LDB3: variants seen among roughly 807,000 people sequenced by gnomAD.
LDB3 encodes LIM domain binding 3.
LDB3 carries 49 observed loss-of-function variants against 69.0 expected under a neutral mutation model. That is an observed-to-expected ratio of 0.71 (90% CI 0.56 to 0.90). The LOEUF (loss-of-function observed/expected upper bound fraction) is 0.90. LDB3 is among the 40% of genes least tolerant of loss of function. The pLI is 0.00. For synonymous variants in LDB3, 387 were observed against 396.2 expected (o/e 0.98, Z 0.28); for missense variants, 928 against 974.1 (o/e 0.95, Z 0.63).
Position 86,718,076 on chromosome 10 carries a change from T to G in LDB3, c.1789T>G (p.Tyr597Asp). 1 of 1,614,172 alleles carries G rather than the reference T, an allele frequency of 6.2e-7. No individual in the cohort carries two copies. Among genetic ancestry groups the G allele is most frequent in the Non-Finnish European group, 8.5e-7 (1 of 1,180,026 alleles). The change falls in exon 11 of 14, where the codon TAC (tyrosine) becomes GAC (aspartate). Residue 597 changes from tyrosine (Y) to aspartate (D), a missense_variant. Coordinates refer to ENST00000361373, the MANE Select transcript of LDB3 (RefSeq NM_007078.3). Reference sequence around the variant, plus strand: ...CTTTGTGGAAGAGCAGAACAACGTTTACTGTGAGCGATGTTATGAGCAATT... The same window carrying G: ...CTTTGTGGAAGAGCAGAACAACGTTGACTGTGAGCGATGTTATGAGCAATT... ...VCFVEEQNNV[Y>D]CERCYEQFFA... is the part of the protein sequence containing the mutation.
chr10:86,700,464 C>T (rs767936269), intron 7 of LDB3, among the ~76,000 whole-genome samples: 2 of 152,122 alleles, frequency 1.3e-5, no homozygotes, highest in East Asian at 1.9e-4. Flanking sequence ...GGTCCAGAGG[C>T]GAGAGAAGGG....
At chr10:86,697,924 C>G (rs1846082472) in intron 7 of LDB3, among the ~76,000 whole-genome samples, 1 of 152,150 alleles carries the variant, frequency 6.6e-6, no homozygotes, top group African/African-American at 2.4e-5. Context: ...ATAGAGATCC[C>G]TAGTTCCCTT....
intron 2 of LDB3, among the ~76,000 whole-genome samples, chr10:86,669,275 G>C (rs1012118587): frequency 1.4e-5 from 2 of 138,026 alleles, no homozygotes; most frequent in Non-Finnish European, 3.3e-5. Flanking sequence ...GTGGGGCTGG[G>C]CTGGACTGAG....
intron 2 of LDB3, among the ~76,000 whole-genome samples, chr10:86,676,962 G>A (rs755640890): frequency 2.0e-5 from 3 of 152,250 alleles, no homozygotes; most frequent in Admixed American, 6.5e-5. Flanking sequence ...GATGGTTCTC[G>A]GGCCTTGGCC....
intron 13 of LDB3, among the ~76,000 whole-genome samples, chr10:86,730,280 G>A (rs1485345118): frequency 6.6e-6 from 1 of 152,172 alleles, no homozygotes; most frequent in African/African-American, 2.4e-5. Flanking sequence ...GGGGATACCT[G>A]TATGTGGGGA....
chr10:86,703,383 G>C (rs1000017053), intron 7 of LDB3, among the ~76,000 whole-genome samples: 1 of 152,228 alleles, frequency 6.6e-6, no homozygotes, highest in Non-Finnish European at 1.5e-5. Context: ...TTCCAGAAGC[G>C]AGGTTCTTTC....
Position 86,735,838 on chromosome 10 carries a change from T to C in LDB3, c.*2862T>C, listed in dbSNP as rs1182715228. 2 of 151,610 alleles carry C rather than the reference T, an allele frequency of 1.3e-5. No homozygotes were observed. The highest frequency in any genetic ancestry group is 4.8e-5 in the African/African-American group (2 of 41,268). 9.4% of individuals were successfully genotyped at this position (151,610 alleles called of 1,614,324 possible). A position where few individuals can be genotyped will look rare whatever the true frequency, so the allele number is the denominator to read the frequency against. ...ACTTTTTGCAATGGAGTGACTTATA[T>C]CTGCAGCTTATATCTGCAGTGTTTG... On this transcript the variant is annotated 3_prime_UTR_variant, in exon 14 of 14. Transcript: ENST00000361373.
intron 11 of LDB3, among the ~76,000 whole-genome samples, 168 bp from the exon 12 acceptor site, chr10:86,718,559 C>T (rs866715937): frequency 1.6e-4 from 25 of 152,142 alleles, no homozygotes; most frequent in South Asian, 6.2e-4. Context: ...GAGTGACAAC[C>T]CCTTCTCTGA....
intron 2 of LDB3, among the ~76,000 whole-genome samples, chr10:86,669,372 T>A (rs1301083725): frequency 1.3e-5 from 2 of 152,210 alleles, no homozygotes; most frequent in Non-Finnish European, 2.9e-5. Flanking sequence ...CCATGGCTGC[T>A]TTGTCTGTCT....
chr10:86,694,306 A>G (rs992999380), intron 7 of LDB3, among the ~76,000 whole-genome samples: 1 of 152,134 alleles, frequency 6.6e-6, no homozygotes, highest in African/African-American at 2.4e-5. Flanking sequence ...CTTGAGGGTA[A>G]TTGAAGGGTG....
At chr10:86,666,996 A>G (rs1844210477), upstream of LDB3, 2 of 385,236 alleles carry the variant, frequency 5.2e-6, no homozygotes, top group Non-Finnish European at 1.1e-5. Flanking sequence ...GGGATGAATG[A>G]CATGGGGCTT....
chr10:86,679,305 G>T (rs1393876404), intron 2 of LDB3, 62 bp from the exon 3 acceptor site: 1 of 1,599,110 alleles, frequency 6.3e-7, no homozygotes, highest in South Asian at 1.1e-5. Context: ...CTTCCCCAAG[G>T]ACTGGCCTTT....
chr10:86,668,434 G>A, upstream of LDB3: 4 of 563,430 alleles, frequency 7.1e-6, no homozygotes, highest in East Asian at 3.1e-5. Flanking sequence ...AGGCTGGCAG[G>A]CACAGTGTAG....
chr10:86,718,645 C>T lies in LDB3; in HGVS notation c.1858-82C>T, dbSNP rs550793981. ...CTGCCCTGTTCCCTGGTAGGATGCT[C>T]GGGCAGTGGCTGGAGCCTGGTGGGG... On this transcript the variant is annotated intron_variant, in intron 11 of 13. Coordinates refer to ENST00000361373, the MANE Select transcript of LDB3 (RefSeq NM_007078.3). 74 of 1,585,834 alleles carry T rather than the reference C, an allele frequency of 4.7e-5. No individual in the cohort carries two copies. In the South Asian group the frequency reaches 7.1e-4, roughly 15 times the overall value.
intron 8 of LDB3, 72 bp downstream of exon 8, chr10:86,706,791 T>C: frequency 6.7e-7 from 1 of 1,483,430 alleles, no homozygotes; most frequent in South Asian, 1.3e-5. Context: ...TGGGTCTACC[T>C]GTGGCCAGCT....
At chr10:86,724,464 T>G (rs1293340499) in intron 12 of LDB3, among the ~76,000 whole-genome samples, 1 of 146,184 alleles carries the variant, frequency 6.8e-6, no homozygotes, top group Non-Finnish European at 1.5e-5. Flanking sequence ...TATAGCTGGG[T>G]GTGGTGGCGC....
At chr10:86,728,663 A>C (rs566148497) in intron 13 of LDB3, among the ~76,000 whole-genome samples, 1 of 146,216 alleles carries the variant, frequency 6.8e-6, no homozygotes, top group South Asian at 2.1e-4. Context: ...GCTCACTGCA[A>C]CCTCCACCTC....
intron 13 of LDB3, among the ~76,000 whole-genome samples, chr10:86,729,794 T>C (rs936194490): frequency 3.3e-5 from 5 of 152,186 alleles, no homozygotes; most frequent in Non-Finnish European, 5.9e-5. Flanking sequence ...TGGTCTTCAG[T>C]CCCTGGACAC....
intron 5 of LDB3, chr10:86,687,009 G>T (rs999586055): frequency 1.3e-6 from 2 of 1,533,954 alleles, no homozygotes; most frequent in Non-Finnish European, 1.8e-6. Context: ...CCATGTAACC[G>T]CCACCTGTTG....
Sources: gnomAD v4.1 joint callset for allele counts (sites outside exome capture counted in the v4.1 genomes callset) on GRCh38, gnomAD v4.1.1 for gene constraint, MANE v1.5 for transcripts, NCBI Gene and HGNC (gene_info 2026-07-23, HGNC 2026-07-21) for gene names.